BBS4: variants seen among roughly 807,000 people sequenced by gnomAD.
BBS4 encodes the protein BBSome complex member BBS4.
Under a neutral mutation model 71.4 loss-of-function variants are expected in BBS4, and 58 were observed. The ratio of observed to expected loss-of-function variants is 0.81; its 90% CI spans 0.66 to 1.01. The LOEUF (loss-of-function observed/expected upper bound fraction) is 1.01, where lower values mean the gene tolerates loss of function less well. Among genes scored for constraint, BBS4 ranks in the 50% least tolerant of loss-of-function variants. BBS4 has a pLI of 0.00. For synonymous variants in BBS4, 228 were observed against 216.8 expected, an observed-to-expected ratio of 1.05 and a Z score of -0.46; for missense variants, 660 against 607.9, an observed-to-expected ratio of 1.09 and a Z score of -0.90.
chr15:72,725,676 T>TC (rs2065659335), intron 8 of BBS4, among the ~76,000 whole-genome samples: 1 of 143,352 alleles, frequency 7.0e-6, no homozygotes, highest in Non-Finnish European at 1.5e-5. Context: ...TTCCCCATTT[T>TC]CCCTTCCCCT....
At position 72,686,233 on chromosome 15, in the gene BBS4, T is replaced by A. The variant is rs954863260; in HGVS notation, c.6T>A (p.Ala2=). Residue 2 remains alanine (A), a synonymous_variant, in exon 1 of 16, where the codon GCT becomes GCA. Coordinates refer to ENST00000268057, the MANE Select transcript of BBS4 (RefSeq NM_033028.5). M[A]EERVATRTQF... ...CAGCGGTGGGCTGAGCTAAAATGGC[T>A]GAGGAGAGAGTCGCGACGGTGAGCG... 1.7e-5 allele frequency: 26 copies of A among 1,565,494 alleles called. No homozygotes were observed. The highest frequency in any genetic ancestry group is 2.0e-4 in the Middle Eastern group (1 of 4,886).
At chr15:72,688,225 T>TC (rs1358727853) in intron 1 of BBS4, among the ~76,000 whole-genome samples, 2 of 151,872 alleles carry the variant, frequency 1.3e-5, no homozygotes, top group Non-Finnish European at 2.9e-5. Flanking sequence ...CATTTGAATG[T>TC]CTAATACTGT....
intron 14 of BBS4, among the ~76,000 whole-genome samples, chr15:72,736,379 C>A (rs1308822661): frequency 6.6e-6 from 1 of 151,746 alleles, no homozygotes; most frequent in Non-Finnish European, 1.5e-5. Flanking sequence ...GTAGCTGGGA[C>A]TACAGGCGCG....
rs749346939 is a variant in BBS4 at position 72,722,777 on chromosome 15, C to CT, written c.406-11dup. On this transcript the variant is annotated splice_polypyrimidine_tract_variant and intron_variant, in intron 6 of 15. Transcript: ENST00000268057. ...GAATTACACCTGAGTTGTTTTCCTT[C>CT]TTTTTTATGAGCCTAGGAGATCAGC... 1.9e-6 allele frequency: 3 copies of CT among 1,612,732 alleles called. No individual in the cohort carries two copies. Among genetic ancestry groups the CT allele is most frequent in the African/African-American group, 1.3e-5 (1 of 74,844 alleles).
chr15:72,686,377 G>A, intron 1 of BBS4, 126 bp downstream of exon 1: 2 of 1,538,336 alleles, frequency 1.3e-6, no homozygotes, highest in Non-Finnish European at 1.7e-6. Flanking sequence ...AGGGTGGGCG[G>A]GGCGACACGG....
At chr15:72,720,198 G>C (rs1396792842) in intron 6 of BBS4, among the ~76,000 whole-genome samples, 1 of 151,728 alleles carries the variant, frequency 6.6e-6, no homozygotes, top group Non-Finnish European at 1.5e-5. Context: ...AAACCTTATA[G>C]TAGCTGGAGC....
At chr15:72,710,195 G>GTTCTTTTTTTTTTTTTTTTTTT (rs1239689474) in intron 3 of BBS4, among the ~76,000 whole-genome samples, 1 of 103,436 alleles carries the variant, frequency 9.7e-6, no homozygotes, top group Non-Finnish European at 1.8e-5. Context: ...ATTTTGTCGA[G>GTTCTTTTTTTTTTTTTTTTTTT]TTTTTTTTTT....
intron 2 of BBS4, among the ~76,000 whole-genome samples, chr15:72,698,337 G>T (rs1189416326): frequency 6.6e-6 from 1 of 152,124 alleles, no homozygotes; most frequent in Admixed American, 6.6e-5. Context: ...ATTTCTAGAA[G>T]TGTTTCATCA....
intron 1 of BBS4, among the ~76,000 whole-genome samples, chr15:72,689,332 G>T (rs2064939097): frequency 6.6e-6 from 1 of 152,224 alleles, no homozygotes; most frequent in African/African-American, 2.4e-5. Context: ...GTGGGACGCA[G>T]AAATTCTAGT....
chr15:72,705,270 C>G (rs1187179428), intron 2 of BBS4, among the ~76,000 whole-genome samples: 2 of 152,022 alleles, frequency 1.3e-5, no homozygotes, highest in Non-Finnish European at 1.5e-5. Context: ...ATGGTAGGTA[C>G]CCAGCGAATA....
chr15:72,722,747 C>A (rs1300577872), intron 6 of BBS4, 47 bp from the exon 7 acceptor site: 1 of 1,545,648 alleles, frequency 6.5e-7, no homozygotes, highest in Admixed American at 1.7e-5. Context: ...CTAATACTTA[C>A]TGTGGAATTA....
At chr15:72,704,587 T>C (rs545873994) in intron 2 of BBS4, 1 of 577,854 alleles carries the variant, frequency 1.7e-6, no homozygotes, top group South Asian at 1.7e-5. Context: ...GTAATAAAAA[T>C]AACAGCAACA....
At chr15:72,718,527 A>G (rs1330472121) in intron 6 of BBS4, among the ~76,000 whole-genome samples, 1 of 152,198 alleles carries the variant, frequency 6.6e-6, no homozygotes, top group Non-Finnish European at 1.5e-5. Flanking sequence ...GGGCACTATT[A>G]TTTTTGAAGT....
chr15:72,706,959 T>C (rs946401860), intron 2 of BBS4, among the ~76,000 whole-genome samples: 1 of 151,962 alleles, frequency 6.6e-6, no homozygotes, highest in African/African-American at 2.4e-5. Context: ...GGGATTACAG[T>C]TGTGAGCCAG....
chr15:72,688,606 C>T (rs1432027207), intron 1 of BBS4, among the ~76,000 whole-genome samples: 5 of 151,790 alleles, frequency 3.3e-5, no homozygotes, highest in Admixed American at 1.3e-4. Context: ...GGTTTCACCA[C>T]GTTGGCCAGG....
chr15:72,729,761 C>G (rs1327324585), intron 10 of BBS4, 77 bp downstream of exon 10: 1 of 1,238,684 alleles, frequency 8.1e-7, no homozygotes, highest in African/African-American at 1.5e-5. Context: ...CCCTGGAAAG[C>G]AAAGGAATAG....
At chr15:72,717,586 C>G (rs2065490112) in intron 6 of BBS4, among the ~76,000 whole-genome samples, 1 of 152,034 alleles carries the variant, frequency 6.6e-6, no homozygotes. Flanking sequence ...CAGAAGTCCC[C>G]CACAGACTTC....
At chr15:72,704,332 A>G (rs2065226190) in intron 2 of BBS4, 2 of 736,126 alleles carry the variant, frequency 2.7e-6, no homozygotes, top group Non-Finnish European at 2.0e-6. Flanking sequence ...TCTGCTCTGC[A>G]TTTACATGCT....
At chr15:72,697,125 G>A (rs2065090893) in intron 2 of BBS4, among the ~76,000 whole-genome samples, 1 of 152,082 alleles carries the variant, frequency 6.6e-6, no homozygotes, top group Non-Finnish European at 1.5e-5. Flanking sequence ...TACAGATGGG[G>A]TTTCACCACG....
Sources: gnomAD v4.1 joint callset for allele counts (sites outside exome capture counted in the v4.1 genomes callset) on GRCh38, gnomAD v4.1.1 for gene constraint, MANE v1.5 for transcripts, NCBI Gene and HGNC (gene_info 2026-07-23, HGNC 2026-07-21) for gene names.